Variants in GSPT1 observed in about 807,000 individuals in gnomAD.
The protein encoded by GSPT1 is eukaryotic peptide chain release factor GTP-binding subunit ERF3A.
GSPT1 carries 20 observed loss-of-function variants against 72.5 expected under a neutral mutation model. The observed-to-expected ratio is 0.28, with a 90% CI of 0.19 to 0.40. The LOEUF (loss-of-function observed/expected upper bound fraction) is 0.40. GSPT1 is among the 10% of genes least tolerant of loss of function. The pLI is 1.00. For synonymous variants in GSPT1, 334 were observed against 293.5 expected, an observed-to-expected ratio of 1.14 and a Z score of -1.41; for missense variants, 580 against 811.9, an observed-to-expected ratio of 0.71 and a Z score of 3.47.
In GSPT1 at chr16:11,868,998, G is replaced by A. The variant is rs1424191627; in HGVS notation, c.*4121C>T. 6.6e-6 allele frequency: 1 copy of A among 152,098 alleles called. No homozygotes were observed. The highest frequency in any genetic ancestry group is 1.5e-5 in the Non-Finnish European group (1 of 68,028). The allele number at this position is 152,098 out of a possible 1,614,324, so 9.4% of individuals were successfully genotyped here. A position where few individuals can be genotyped will look rare whatever the true frequency, so the allele number is the denominator to read the frequency against. On this transcript the variant is annotated 3_prime_UTR_variant, in exon 15 of 15. Coordinates refer to ENST00000434724, the MANE Select transcript of GSPT1 (RefSeq NM_002094.4). ...ACTCAGCTAGCATTATTGTTTCAAG[G>A]AAGCATAGGATTAGAGGTATGTGAG...
At chr16:11,899,480 A>G (rs1003317805) in intron 1 of GSPT1, among the ~76,000 whole-genome samples, 1 of 152,088 alleles carries the variant, frequency 6.6e-6, no homozygotes, top group Non-Finnish European at 1.5e-5. Flanking sequence ...ACAACCAAGC[A>G]ATACAACTAG....
At chr16:11,881,670 TTTTA>T (rs1015496449) in intron 11 of GSPT1, 1 of 147,644 alleles carries the variant, frequency 6.8e-6, no homozygotes, top group African/African-American at 2.5e-5. Flanking sequence ...TTTTTTTTTT[TTTTA>T]GTAAAGGTCT....
At chr16:11,908,381 G>C (rs2054513880) in intron 1 of GSPT1, 1 of 152,240 alleles carries the variant, frequency 6.6e-6, no homozygotes, top group Admixed American at 6.5e-5. Context: ...CCAGCACTTT[G>C]GGAGGCCGAG....
chr16:11,911,401 T>C (rs1326262240), intron 1 of GSPT1, among the ~76,000 whole-genome samples: 1 of 152,158 alleles, frequency 6.6e-6, no homozygotes, highest in Non-Finnish European at 1.5e-5. Flanking sequence ...TTTACTTTTC[T>C]TTTTGGACAG....
chr16:11,886,509 T>G lies in GSPT1; in HGVS notation c.1215A>C (p.Ala405=). The change falls in exon 9 of 15, where the codon GCA becomes GCC. Residue 405 remains alanine, a synonymous_variant. Coordinates refer to ENST00000434724, the MANE Select transcript of GSPT1 (RefSeq NM_002094.4). ...AGAAATCCGACTGCTCTTTGAGATT[T>G]GCTCCAGTAAGTCCTGAGCAGGGCA... ...HFMPCSGLTG[A]NLKEQSDFCP... 6.2e-7 allele frequency: 1 copy of G among 1,613,416 alleles called. No individual in the cohort carries two copies. Among genetic ancestry groups the G allele is most frequent in the Non-Finnish European group, 8.5e-7 (1 of 1,179,490 alleles).
intron 1 of GSPT1, chr16:11,915,030 G>A (rs1188448155): frequency 4.7e-6 from 6 of 1,290,206 alleles, no homozygotes; most frequent in South Asian, 1.2e-5. Flanking sequence ...TCTGCGCCTC[G>A]TGGCAGGGAT....
rs778222417 is a variant in GSPT1, at chr16:11,871,038, C to T, written c.*2081G>A. 5 of 152,120 alleles carry T rather than the reference C, an allele frequency of 3.3e-5. No individual in the cohort carries two copies. The highest frequency in any genetic ancestry group is 4.4e-5 in the Non-Finnish European group (3 of 68,024). 9.4% of individuals were successfully genotyped at this position (152,120 alleles called of 1,614,324 possible). A position where few individuals can be genotyped will look rare whatever the true frequency, so the allele number is the denominator to read the frequency against. On this transcript the variant is annotated 3_prime_UTR_variant, in exon 15 of 15. Coordinates refer to ENST00000434724, the MANE Select transcript of GSPT1 (RefSeq NM_002094.4). ...TTTTAAATATTCATTAAAATTCAAG[C>T]AATTGCTAGTATTTGTTTTTATTAA...
At chr16:11,899,133 A>G (rs909494351) in intron 1 of GSPT1, among the ~76,000 whole-genome samples, 1 of 152,226 alleles carries the variant, frequency 6.6e-6, no homozygotes, top group African/African-American at 2.4e-5. Flanking sequence ...AAACGATACT[A>G]AAGAATTAAA....
In GSPT1 at chr16:11,894,155, C is replaced by CAAAAAAAAA. The variant is rs57226427; in HGVS notation, c.698+790_698+798dup. The stretch of plus-strand genomic sequence containing the variant: ...TTGGTGACAGAATGAGACCCTATCT[C>CAAAAAAAAA]AAAAAAAAAAAAAAAAAAAAAAAAA... On this transcript the variant is annotated intron_variant, in intron 5 of 14. Transcript: ENST00000434724. Among the ~76,000 whole-genome samples the CAAAAAAAAA allele has an allele frequency of 6.8e-4, 29 of 42,676 alleles. 3 individuals carry two copies. Among genetic ancestry groups the CAAAAAAAAA allele is most frequent in the African/African-American group, 2.3e-3 (26 of 11,336 alleles). The allele number at this position is 42,676 out of a possible 152,430, so 28.0% of individuals were successfully genotyped here. A position where few individuals can be genotyped will look rare whatever the true frequency, so the allele number is the denominator to read the frequency against.
At chr16:11,873,558 G>C (rs977485705) in intron 14 of GSPT1, among the ~76,000 whole-genome samples, 5 of 151,976 alleles carry the variant, frequency 3.3e-5, no homozygotes, top group African/African-American at 1.2e-4. Context: ...TGATCCACCC[G>C]CCTCAGCCTC....
chr16:11,898,438 G>A (rs1236664367), intron 1 of GSPT1, among the ~76,000 whole-genome samples: 1 of 137,064 alleles, frequency 7.3e-6, no homozygotes, highest in Non-Finnish European at 1.5e-5. Flanking sequence ...GCTGTGATTA[G>A]CCCTTTTTTT....
At chr16:11,909,389 G>T (rs2054529479) in intron 1 of GSPT1, among the ~76,000 whole-genome samples, 1 of 152,128 alleles carries the variant, frequency 6.6e-6, no homozygotes, top group Non-Finnish European at 1.5e-5. Context: ...ACAATCAACA[G>T]CTAAAAACTG....
At position 11,869,902 on chromosome 16, in the gene GSPT1, C is replaced by T. The variant is rs541379958; in HGVS notation, c.*3217G>A. The T allele has an allele frequency of 3.3e-5, 5 of 152,264 alleles. No individual in the cohort carries two copies. The highest frequency in any genetic ancestry group is 2.0e-4 in the Admixed American group (3 of 15,286). The allele number at this position is 152,264 out of a possible 1,614,324, so 9.4% of individuals were successfully genotyped here. A position where few individuals can be genotyped will look rare whatever the true frequency, so the allele number is the denominator to read the frequency against. ...TGGGTTGCAAAACTGCATCTGGCTG[C>T]AAGTCTAACCCAAAATATTCGCAGC... On this transcript the variant is annotated 3_prime_UTR_variant, in exon 15 of 15. Coordinates refer to ENST00000434724, the MANE Select transcript of GSPT1 (RefSeq NM_002094.4).
intron 11 of GSPT1, among the ~76,000 whole-genome samples, chr16:11,878,853 T>A (rs1042541320): frequency 4.6e-5 from 7 of 151,456 alleles, no homozygotes; most frequent in African/African-American, 1.5e-4. Context: ...TCACCTGAGA[T>A]CAGGAGTTTG....
chr16:11,885,346 A>G, intron 9 of GSPT1, 72 bp from the exon 10 acceptor site: 1 of 728,312 alleles, frequency 1.4e-6, no homozygotes, highest in Non-Finnish European at 2.5e-6. Context: ...CATGACTATA[A>G]ACAGCTTCTA....
rs2054622785 is a variant in GSPT1 at position 11,915,570 on chromosome 16, C to T, written c.151G>A (p.Ala51Thr). Residue 51 changes from alanine (A) to threonine (T), a missense_variant, in exon 1 of 15, where the codon GCG (alanine) becomes ACG (threonine). Coordinates refer to ENST00000434724, the MANE Select transcript of GSPT1 (RefSeq NM_002094.4). ...PGPCGGGGSL[A>T]AAAEAQRENL... is the part of the protein sequence containing the mutation. ...TCCCGCTGGGCCTCGGCCGCCGCCG[C>T]CAGGGAGCCGCCGCCGCCGCAAGGG... 6 of 1,489,556 alleles carry T rather than the reference C, an allele frequency of 4.0e-6. No individual in the cohort carries two copies. Among genetic ancestry groups the T allele is most frequent in the Non-Finnish European group, 4.5e-6 (5 of 1,120,222 alleles). 92.3% of individuals were successfully genotyped at this position (1,489,556 alleles called of 1,614,324 possible).
At chr16:11,896,358 C>A (rs549587233) in intron 4 of GSPT1, among the ~76,000 whole-genome samples, 200 bp downstream of exon 4, 1 of 152,124 alleles carries the variant, frequency 6.6e-6, no homozygotes, top group Non-Finnish European at 1.5e-5. Flanking sequence ...GCATCTATGC[C>A]GTTACAGAAT....
rs951663549 is a variant in GSPT1 at position 11,885,096 on chromosome 16, A to T, written c.1347+85T>A. 21 of 695,646 alleles carry T rather than the reference A, an allele frequency of 3.0e-5. No individual in the cohort carries two copies. In the Middle Eastern group the frequency reaches 2.1e-3, roughly 68 times the overall value. The allele number at this position is 695,646 out of a possible 1,614,324, so 43.1% of individuals were successfully genotyped here. On this transcript the variant is annotated intron_variant, in intron 10 of 14. Coordinates refer to ENST00000434724, the MANE Select transcript of GSPT1 (RefSeq NM_002094.4). ...AAAAAAACAAGAAAGAAAAGAAAAG[A>T]AAAAAAGTTTTCAAAACTAGAAACA...
At chr16:11,901,857 A>T (rs1451609243) in intron 1 of GSPT1, among the ~76,000 whole-genome samples, 1 of 151,874 alleles carries the variant, frequency 6.6e-6, no homozygotes. Flanking sequence ...GCACTTCTGG[A>T]GGTGGAGGCG....
Sources: gnomAD v4.1 joint callset for allele counts (sites outside exome capture counted in the v4.1 genomes callset) on GRCh38, gnomAD v4.1.1 for gene constraint, MANE v1.5 for transcripts, NCBI Gene and HGNC (gene_info 2026-07-23, HGNC 2026-07-21) for gene names.